The following SCIN variants were observed in gnomAD, a reference collection of about 807,000 sequenced individuals.
The protein encoded by SCIN is scinderin, also known as adseverin.
In SCIN, 91 loss-of-function variants were observed where a neutral mutation model predicts 91.8. The ratio of observed to expected loss-of-function variants is 0.99; its 90% CI spans 0.84 to 1.18. The LOEUF is 1.18. SCIN is among the 50% of genes most tolerant of loss of function. The pLI, the probability that SCIN is intolerant of heterozygous loss-of-function variation, is 0.00. For synonymous variants in SCIN, 367 were observed against 312.6 expected, an observed-to-expected ratio of 1.17 and a Z score of -1.84; for missense variants, 1,087 against 863.9, an observed-to-expected ratio of 1.26 and a Z score of -3.24.
intron 11 of SCIN, among the ~76,000 whole-genome samples, chr7:12,643,468 G>A (rs768201147): frequency 9.2e-5 from 14 of 152,168 alleles, no homozygotes; most frequent in Non-Finnish European, 1.8e-4. Context: ...AGATTCCTTT[G>A]AGCTTGTTCT....
intron 8 of SCIN, among the ~76,000 whole-genome samples, chr7:12,627,562 A>G (rs75752185): frequency 1.3e-5 from 2 of 152,280 alleles, no homozygotes; most frequent in African/African-American, 4.8e-5. Flanking sequence ...GCTTACTACA[A>G]TTCTTGGACC....
intron 4 of SCIN, among the ~76,000 whole-genome samples, chr7:12,618,011 T>C (rs955370438): frequency 3.3e-5 from 5 of 152,078 alleles, no homozygotes; most frequent in Non-Finnish European, 7.4e-5. Flanking sequence ...AATTTTCTTA[T>C]GAGTTTGACC....
At chr7:12,577,728 C>A (rs116020480) in intron 1 of SCIN, 6,850 of 402,288 alleles carry the variant, frequency 0.017, 428 homozygotes, top group African/African-American at 0.13. Context: ...TGGTGGCACG[C>A]ACCTGTAGTC....
rs1784108326 is a variant in SCIN, at chr7:12,652,753, A to G, written c.*38A>G. On this transcript the variant is annotated 3_prime_UTR_variant, in exon 16 of 16. Coordinates refer to ENST00000297029, the MANE Select transcript of SCIN (RefSeq NM_001112706.3). ...AAAAAGCAAACAAACATTACAAGGCAGTTATCTCATTGCTGTTTTGGGAGA... is the reference window on the plus strand; with the variant it reads ...AAAAAGCAAACAAACATTACAAGGCGGTTATCTCATTGCTGTTTTGGGAGA... 2.5e-6 allele frequency: 4 copies of G among 1,578,436 alleles called. 1 individual carries two copies. The South Asian group carries it at 4.7e-5, about 19-fold the overall frequency.
intron 2 of SCIN, among the ~76,000 whole-genome samples, chr7:12,578,741 G>T (rs1022052033): frequency 6.6e-6 from 1 of 151,814 alleles, no homozygotes; most frequent in African/African-American, 2.4e-5. Flanking sequence ...AAGGGATGCA[G>T]ATGAAAATTT....
chr7:12,590,397 A>G (rs2115227859), intron 3 of SCIN, among the ~76,000 whole-genome samples: 1 of 151,984 alleles, frequency 6.6e-6, no homozygotes, highest in African/African-American at 2.4e-5. Context: ...GGACAGTTTG[A>G]GGTTATGTCT....
chr7:12,644,417 G>C, intron 12 of SCIN, 102 bp downstream of exon 12: 1 of 1,446,984 alleles, frequency 6.9e-7, no homozygotes, highest in East Asian at 2.5e-5. Flanking sequence ...GCTTATAAGG[G>C]TTAACAATCT....
At chr7:12,650,049 C>T (rs777968033) in intron 14 of SCIN, among the ~76,000 whole-genome samples, 2 of 152,090 alleles carry the variant, frequency 1.3e-5, no homozygotes, top group South Asian at 2.1e-4. Context: ...GGTGATTTGA[C>T]GTGCCACATC....
At chr7:12,625,431 C>CT (rs10656602) in intron 6 of SCIN, among the ~76,000 whole-genome samples, 49,547 of 97,466 alleles carry the variant, frequency 0.51, 14,050 homozygotes, top group Admixed American at 0.63. Context: ...TTTTGCTATT[C>CT]TTTTTTTTTT....
chr7:12,577,185 T>C (rs1162213743), intron 1 of SCIN, among the ~76,000 whole-genome samples: 1 of 152,198 alleles, frequency 6.6e-6, no homozygotes, highest in Non-Finnish European at 1.5e-5. Context: ...CTTCCTTTGC[T>C]CTTCCTTTCC....
chr7:12,579,115 G>A (rs1272593700), intron 2 of SCIN, among the ~76,000 whole-genome samples: 2 of 151,756 alleles, frequency 1.3e-5, no homozygotes, highest in African/African-American at 2.4e-5. Context: ...TGCTACCCTA[G>A]TGAAGACCTG....
chr7:12,586,150 C>T (rs1300823786), intron 3 of SCIN, among the ~76,000 whole-genome samples: 1 of 152,190 alleles, frequency 6.6e-6, no homozygotes, highest in Admixed American at 6.5e-5. Flanking sequence ...GATGTTTCAA[C>T]AAATGTATAT....
intron 9 of SCIN, among the ~76,000 whole-genome samples, chr7:12,634,208 G>A (rs1366077652): frequency 1.3e-5 from 2 of 152,070 alleles, no homozygotes; most frequent in Admixed American, 6.5e-5. Context: ...TAGGTAGGCC[G>A]GGCATGGTGG....
At chr7:12,576,359 T>G (rs1782371411) in intron 1 of SCIN, among the ~76,000 whole-genome samples, 1 of 84,774 alleles carries the variant, frequency 1.2e-5, no homozygotes, top group South Asian at 4.1e-4. Flanking sequence ...TACTGAGTTG[T>G]TTTTTTTTGT....
At chr7:12,606,445 A>G (rs1783081462) in intron 4 of SCIN, among the ~76,000 whole-genome samples, 1 of 152,232 alleles carries the variant, frequency 6.6e-6, no homozygotes, top group Non-Finnish European at 1.5e-5. Flanking sequence ...TCCAGTGATC[A>G]GAAATTATAT....
chr7:12,646,343 T>TG (rs1783965082), intron 13 of SCIN, among the ~76,000 whole-genome samples: 1 of 152,204 alleles, frequency 6.6e-6, no homozygotes, highest in Non-Finnish European at 1.5e-5. Flanking sequence ...TGTCTAGCCT[T>TG]CTTGTGTCCT....
chr7:12,576,495 G>T (rs1782375282), intron 1 of SCIN, among the ~76,000 whole-genome samples: 1 of 151,994 alleles, frequency 6.6e-6, no homozygotes, highest in Non-Finnish European at 1.5e-5. Flanking sequence ...TTCAACTTTG[G>T]TGAATACTGT....
chr7:12,634,042 T>C (rs535413321), intron 9 of SCIN, among the ~76,000 whole-genome samples: 1 of 152,174 alleles, frequency 6.6e-6, no homozygotes, highest in South Asian at 2.1e-4. Flanking sequence ...TGGAAAATTC[T>C]GTGATAAGAT....
intron 14 of SCIN, among the ~76,000 whole-genome samples, chr7:12,650,482 A>G (rs1784058428): frequency 6.6e-6 from 1 of 152,154 alleles, no homozygotes; most frequent in African/African-American, 2.4e-5. Flanking sequence ...CCCATGCCAC[A>G]TTTCATTTTT....
Sources: gnomAD v4.1 joint callset for allele counts (sites outside exome capture counted in the v4.1 genomes callset) on GRCh38, gnomAD v4.1.1 for gene constraint, MANE v1.5 for transcripts, NCBI Gene and HGNC (gene_info 2026-07-23, HGNC 2026-07-21) for gene names.